Variants in UNC5D observed in about 807,000 individuals in gnomAD.
UNC5D encodes the protein netrin receptor UNC5D.
UNC5D carries 39 observed loss-of-function variants against 105.4 expected under a neutral mutation model. That is an observed-to-expected ratio of 0.37 (90% CI 0.29 to 0.48). The LOEUF is 0.48. UNC5D is among the 20% of genes least tolerant of loss of function. UNC5D has a pLI of 0.98. For missense variants in UNC5D, 991 were observed against 1,202.4 expected (o/e 0.82, Z 2.60); for synonymous variants, 452 against 450.4 (o/e 1.00, Z -0.04).
chr8:35,756,425 T>C (rs1392190196), intron 13 of UNC5D, among the ~76,000 whole-genome samples: 1 of 152,072 alleles, frequency 6.6e-6, no homozygotes, highest in Non-Finnish European at 1.5e-5. Flanking sequence ...AAGGACTGTG[T>C]AGACAGTATA....
At chr8:35,687,165 C>T (rs1037123964) in intron 7 of UNC5D, among the ~76,000 whole-genome samples, 8 of 152,072 alleles carry the variant, frequency 5.3e-5, no homozygotes, top group Non-Finnish European at 7.4e-5. Flanking sequence ...AAAAATAGGC[C>T]GGGCGCAGTG....
At chr8:35,752,531 C>T (rs2131648037) in intron 13 of UNC5D, among the ~76,000 whole-genome samples, 1 of 152,214 alleles carries the variant, frequency 6.6e-6, no homozygotes, top group Middle Eastern at 3.4e-3. Flanking sequence ...TCATCTTTGG[C>T]TGCTCACAAA....
rs529154597 is a variant in UNC5D at position 35,507,076 on chromosome 8, G to C, written c.104-42216G>C. Among the ~76,000 whole-genome samples the C allele has an allele frequency of 6.9e-3, 559 of 81,174 alleles. 4 individuals are homozygous for C. The highest frequency in any genetic ancestry group is 0.062 in the Middle Eastern group (7 of 112). The allele number at this position is 81,174 out of a possible 152,430, so 53.3% of individuals were successfully genotyped here. ...TTTTTTTTTTTTTTTTTTTTTTTGA[G>C]ACGGAGTCTCGCTCTGTCGCCCAGG... On this transcript the variant is annotated intron_variant, in intron 1 of 16. Transcript: ENST00000404895.
chr8:35,382,361 A>G (rs1234940444), intron 1 of UNC5D, among the ~76,000 whole-genome samples: 1 of 152,216 alleles, frequency 6.6e-6, no homozygotes, highest in African/African-American at 2.4e-5. Flanking sequence ...GCCAAAGAAG[A>G]AAAGAACATT....
intron 3 of UNC5D, among the ~76,000 whole-genome samples, chr8:35,578,282 G>T (rs911182734): frequency 1.1e-5 from 1 of 94,002 alleles, no homozygotes; most frequent in East Asian, 3.0e-4. Context: ...AAAAAAAAAA[G>T]AAAGAGAAAA....
At chr8:35,572,032 A>G (rs1222228125) in intron 3 of UNC5D, among the ~76,000 whole-genome samples, 1 of 152,156 alleles carries the variant, frequency 6.6e-6, no homozygotes, top group African/African-American at 2.4e-5. Context: ...CACGCCTGTA[A>G]TCCCAACACT....
intron 7 of UNC5D, among the ~76,000 whole-genome samples, chr8:35,698,788 G>C (rs2131409485): frequency 6.6e-6 from 1 of 152,042 alleles, no homozygotes; most frequent in Non-Finnish European, 1.5e-5. Flanking sequence ...TTAAATATTT[G>C]AATATCACTC....
intron 1 of UNC5D, among the ~76,000 whole-genome samples, chr8:35,383,538 A>G (rs988372262): frequency 3.3e-5 from 5 of 152,216 alleles, no homozygotes; most frequent in Non-Finnish European, 7.3e-5. Flanking sequence ...ACAGGGGCCC[A>G]ATGAATAAAT....
intron 1 of UNC5D, among the ~76,000 whole-genome samples, chr8:35,340,694 C>T (rs903760979): frequency 6.6e-6 from 1 of 152,040 alleles, no homozygotes; most frequent in Non-Finnish European, 1.5e-5. Flanking sequence ...CCACTGTGTG[C>T]AAAGCATGGT....
At chr8:35,748,779 A>G in intron 12 of UNC5D, 84 bp downstream of exon 12, 2 of 1,449,730 alleles carry the variant, frequency 1.4e-6, no homozygotes, top group South Asian at 1.4e-5. Context: ...CTAACACCAC[A>G]AATCAGCATT....
intron 4 of UNC5D, among the ~76,000 whole-genome samples, chr8:35,611,364 G>A (rs1820671184): frequency 6.6e-6 from 1 of 152,108 alleles, no homozygotes; most frequent in Non-Finnish European, 1.5e-5. Context: ...CTTGTAATCT[G>A]TCACATAGAG....
chr8:35,402,685 A>G (rs764645090), intron 1 of UNC5D, among the ~76,000 whole-genome samples: 37 of 152,214 alleles, frequency 2.4e-4, no homozygotes, highest in Non-Finnish European at 4.4e-4. Flanking sequence ...CTGGCCTCCA[A>G]GTGTTGGAGG....
chr8:35,348,615 G>A (rs540333050), intron 1 of UNC5D, among the ~76,000 whole-genome samples: 15 of 151,782 alleles, frequency 9.9e-5, no homozygotes, highest in South Asian at 8.3e-4. Flanking sequence ...TTCAAAGAAC[G>A]ACAATGAGAA....
intron 4 of UNC5D, among the ~76,000 whole-genome samples, chr8:35,602,325 T>G (rs188909659): frequency 2.0e-5 from 3 of 152,294 alleles, no homozygotes; most frequent in East Asian, 1.9e-4. Context: ...AATGAGTTAG[T>G]GAGGATTCCC....
chr8:35,266,952 C>T (rs1804918601), intron 1 of UNC5D, among the ~76,000 whole-genome samples: 2 of 152,138 alleles, frequency 1.3e-5, no homozygotes, highest in African/African-American at 2.4e-5. Context: ...TTGGAAGTCA[C>T]TTCTGCCATG....
intron 1 of UNC5D, among the ~76,000 whole-genome samples, chr8:35,539,509 G>A (rs1012718288): frequency 7.9e-5 from 12 of 152,120 alleles, no homozygotes; most frequent in Non-Finnish European, 1.6e-4. Context: ...CAAAATGGGC[G>A]TGATGAAAAA....
At chr8:35,489,434 C>T (rs1002584271) in intron 1 of UNC5D, among the ~76,000 whole-genome samples, 3 of 152,178 alleles carry the variant, frequency 2.0e-5, no homozygotes, top group African/African-American at 7.2e-5. Flanking sequence ...ATTAAGTTAA[C>T]ATGAGTCCAT....
chr8:35,292,538 C>T (rs1359523223), intron 1 of UNC5D, among the ~76,000 whole-genome samples: 1 of 152,014 alleles, frequency 6.6e-6, no homozygotes, highest in East Asian at 1.9e-4. Flanking sequence ...CTTTGAAAAC[C>T]ACAGGGCTTA....
intron 2 of UNC5D, among the ~76,000 whole-genome samples, chr8:35,556,226 C>G (rs527257258): frequency 1.3e-5 from 2 of 152,070 alleles, no homozygotes; most frequent in Non-Finnish European, 2.9e-5. Context: ...TTGAATGAGA[C>G]AAGTGTATGG....
Sources: allele counts gnomAD v4.1 joint callset (sites outside exome capture counted in the v4.1 genomes callset), GRCh38; gene constraint gnomAD v4.1.1; transcripts MANE v1.5; gene names NCBI Gene and HGNC (gene_info 2026-07-23, HGNC 2026-07-21).